Variants in ATP10B observed in about 807,000 individuals in gnomAD.
ATP10B encodes phospholipid-transporting ATPase VB.
A neutral mutation model predicts 141.2 loss-of-function variants in ATP10B; 122 were observed. The ratio of observed to expected loss-of-function variants is 0.86; its 90% CI spans 0.75 to 1.00. The LOEUF is 1.00. Ranked by LOEUF, ATP10B falls within the 50% of genes least tolerant of loss-of-function variation. ATP10B has a pLI of 0.00. For synonymous variants in ATP10B, 685 were observed against 692.0 expected, an observed-to-expected ratio of 0.99 and a Z score of 0.16; for missense variants, 1,876 against 1,825.3, an observed-to-expected ratio of 1.03 and a Z score of -0.51.
intron 1 of ATP10B, among the ~76,000 whole-genome samples, chr5:160,804,120 T>G (rs760658483): frequency 2.0e-5 from 3 of 152,200 alleles, no homozygotes; most frequent in Non-Finnish European, 2.9e-5. Context: ...TACATAGAGA[T>G]AAGCAGATCT....
chr5:160,868,327 TTTGA>T, the ATP10B span, among the ~76,000 whole-genome samples: 18 of 152,100 alleles, frequency 1.2e-4, no homozygotes. Context: ...ATTTCATCCC[TTTGA>T]TTCTTTCTCT....
chr5:160,728,163 C>T (rs995065572), intron 2 of ATP10B, among the ~76,000 whole-genome samples: 5 of 151,912 alleles, frequency 3.3e-5, no homozygotes, highest in Admixed American at 1.3e-4. Flanking sequence ...TGGGCACTAA[C>T]TAAAGTCTCA....
rs116462832 is a variant in ATP10B at position 160,761,763 on chromosome 5, A to G, written c.-331+23796T>C. ...CTCTGAATTGCCAGATAAAGAATCC[A>G]GAAGGATGATTATTAAGCTACTAAA... On this transcript the variant is annotated intron_variant, in intron 2 of 25. Transcript: ENST00000327245. 2.7e-3 allele frequency among the ~76,000 whole-genome samples: 405 copies of G among 152,350 alleles called. 4 individuals carry two copies. Among genetic ancestry groups the G allele is most frequent in the African/African-American group, 9.4e-3 (392 of 41,584 alleles).
rs1182079787 is a variant in ATP10B, at chr5:160,755,839, ATATATATATATATATATATATATAT to A, written c.-331+29695_-331+29719del. 9.6e-4 allele frequency among the ~76,000 whole-genome samples: 30 copies of A among 31,262 alleles called. 2 individuals are homozygous for A. The highest frequency in any genetic ancestry group is 3.2e-3 in the African/African-American group (26 of 8,080). The allele number at this position is 31,262 out of a possible 152,430, so 20.5% of individuals were successfully genotyped here. A position where few individuals can be genotyped will look rare whatever the true frequency, so the allele number is the denominator to read the frequency against. The stretch of plus-strand genomic sequence containing the variant: ...CAAAAAAAAAAAAAAAAAAAAAAAA[ATATATATATATATATATATATATAT>A]ATATATATATATATTATAATTTTAT... On this transcript the variant is annotated intron_variant, in intron 2 of 25. Coordinates refer to ENST00000327245, the MANE Select transcript of ATP10B (RefSeq NM_025153.3).
intron 9 of ATP10B, among the ~76,000 whole-genome samples, chr5:160,641,265 G>T (rs1003289211): frequency 6.6e-6 from 1 of 152,276 alleles, no homozygotes; most frequent in East Asian, 1.9e-4. Context: ...ATATGCAAAA[G>T]CCCTGTGGTA....
intron 2 of ATP10B, among the ~76,000 whole-genome samples, chr5:160,779,340 T>A (rs1446432993): frequency 6.6e-6 from 1 of 152,204 alleles, no homozygotes; most frequent in Non-Finnish European, 1.5e-5. Context: ...ATATAGTGAC[T>A]TACATCAGTG....
At chr5:160,770,307 C>G (rs1202314088) in intron 2 of ATP10B, among the ~76,000 whole-genome samples, 7 of 152,148 alleles carry the variant, frequency 4.6e-5, no homozygotes, top group African/African-American at 1.7e-4. Context: ...TCTTCCCCAC[C>G]CCACCTCTTC....
intron 1 of ATP10B, among the ~76,000 whole-genome samples, chr5:160,848,751 T>C (rs1213915621): frequency 1.3e-5 from 2 of 152,220 alleles, no homozygotes. Flanking sequence ...GGTCTAGTCA[T>C]ACCAAAATGA....
chr5:160,819,199 C>A (rs1773918212), intron 1 of ATP10B, among the ~76,000 whole-genome samples: 1 of 151,944 alleles, frequency 6.6e-6, no homozygotes, highest in Non-Finnish European at 1.5e-5. Flanking sequence ...AAACAAATCA[C>A]ATACAATGGA....
intron 22 of ATP10B, among the ~76,000 whole-genome samples, chr5:160,597,951 G>A (rs1756829054): frequency 6.7e-6 from 1 of 149,014 alleles, no homozygotes; most frequent in African/African-American, 2.5e-5. Flanking sequence ...TGGTGGGACT[G>A]TAAACTAGTT....
chr5:160,592,872 G>A (rs549628250), intron 22 of ATP10B, among the ~76,000 whole-genome samples: 4,163 of 152,340 alleles, frequency 0.027, 86 homozygotes, highest in Middle Eastern at 0.068. Context: ...AGGGGCGCCT[G>A]CCATTGCCCA....
At chr5:160,640,108 C>A (rs1030745650) in intron 10 of ATP10B, among the ~76,000 whole-genome samples, 2 of 152,254 alleles carry the variant, frequency 1.3e-5, no homozygotes, top group Admixed American at 6.5e-5. Flanking sequence ...ATCTCCAGAG[C>A]TGTAACAGAA....
In ATP10B at chr5:160,731,587, G is replaced by GT. The variant is rs1191584779; in HGVS notation, c.-330-14554dup. On this transcript the variant is annotated intron_variant, in intron 2 of 25. Coordinates refer to ENST00000327245, the MANE Select transcript of ATP10B (RefSeq NM_025153.3). Reference sequence around the variant, plus strand: ...GGGAGTTTCATGGAGTGAGTTCTCTGTTTTTGCTGGTTTTGGCCTGGGTGC... The same window carrying GT: ...GGGAGTTTCATGGAGTGAGTTCTCTGTTTTTTGCTGGTTTTGGCCTGGGTGC... Among the ~76,000 whole-genome samples the GT allele has an allele frequency of 3.3e-5, 5 of 152,318 alleles. No individual in the cohort carries two copies. The East Asian group carries it at 9.6e-4, about 29-fold the overall frequency.
At chr5:160,591,665 T>C (rs1756302879) in intron 22 of ATP10B, among the ~76,000 whole-genome samples, 1 of 152,172 alleles carries the variant, frequency 6.6e-6, no homozygotes, top group Non-Finnish European at 1.5e-5. Flanking sequence ...CATCAGCGGC[T>C]CCAGAAACAA....
chr5:160,788,817 G>A (rs1201109746), intron 1 of ATP10B, among the ~76,000 whole-genome samples: 4 of 151,258 alleles, frequency 2.6e-5, no homozygotes, highest in Admixed American at 6.6e-5. Context: ...GAGAACATAA[G>A]TAAGTTAACT....
chr5:160,823,596 C>T (rs1249063405), intron 1 of ATP10B, among the ~76,000 whole-genome samples: 3 of 152,150 alleles, frequency 2.0e-5, no homozygotes, highest in African/African-American at 4.8e-5. Context: ...GTGGCCTACG[C>T]CTGTAATCCC....
the ATP10B span, among the ~76,000 whole-genome samples, chr5:160,895,611 A>G: frequency 0.012 from 1,898 of 152,240 alleles, 39 homozygotes; most frequent in African/African-American, 0.044. Flanking sequence ...GAGACTTAAC[A>G]CCCCACTGTC....
chr5:160,653,631 C>CATATATACATATATATT, intron 7 of ATP10B, among the ~76,000 whole-genome samples: 1 of 78,042 alleles, frequency 1.3e-5, no homozygotes, highest in South Asian at 4.7e-4. Flanking sequence ...ATTATATATA[C>CATATATACATATATATT]ATATATACAT....
intron 1 of ATP10B, among the ~76,000 whole-genome samples, chr5:160,816,713 A>C (rs1167846901): frequency 3.9e-5 from 6 of 152,236 alleles, no homozygotes; most frequent in African/African-American, 1.4e-4. Flanking sequence ...AGAGAATTTT[A>C]GACCAACATC....
Sources: allele counts gnomAD v4.1 joint callset (sites outside exome capture counted in the v4.1 genomes callset), GRCh38; gene constraint gnomAD v4.1.1; transcripts MANE v1.5; gene names NCBI Gene and HGNC (gene_info 2026-07-23, HGNC 2026-07-21).